The following NKAIN3 variants were observed in gnomAD, a reference collection of about 807,000 sequenced individuals.
NKAIN3 encodes the protein sodium/potassium transporting ATPase interacting 3, also known as sodium/potassium-transporting ATPase subunit beta-1-interacting protein 3.
A neutral mutation model predicts 30.2 loss-of-function variants in NKAIN3; 25 were observed. The ratio of observed to expected loss-of-function variants is 0.83; its 90% confidence interval spans 0.60 to 1.16. The LOEUF (loss-of-function observed/expected upper bound fraction) is 1.16, where lower values mean the gene tolerates loss of function less well. Ranked by LOEUF, NKAIN3 falls within the 50% of genes most tolerant of loss-of-function variation. The pLI is 0.00. For missense variants in NKAIN3, 225 were observed against 254.1 expected (o/e 0.89, Z 0.78); for synonymous variants, 91 against 89.6 (o/e 1.02, Z -0.09).
At chr8:62,675,825 C>G (rs1017554915) in intron 3 of NKAIN3, among the ~76,000 whole-genome samples, 2 of 152,292 alleles carry the variant, frequency 1.3e-5, no homozygotes, top group African/African-American at 4.8e-5. Context: ...TAGACCACAG[C>G]CAGGCCAACC....
At chr8:62,268,443 G>C (rs192705934) in intron 1 of NKAIN3, among the ~76,000 whole-genome samples, 1 of 152,142 alleles carries the variant, frequency 6.6e-6, no homozygotes, top group South Asian at 2.1e-4. Flanking sequence ...GGGACACCTA[G>C]CTGCATGACC....
At chr8:62,284,126 C>T (rs1813293081) in intron 1 of NKAIN3, among the ~76,000 whole-genome samples, 1 of 152,032 alleles carries the variant, frequency 6.6e-6, no homozygotes, top group South Asian at 2.1e-4. Context: ...ATGGGAGTCC[C>T]AGAAGGGGTA....
chr8:62,869,365 C>A (rs1370883534), intron 4 of NKAIN3, among the ~76,000 whole-genome samples: 1 of 152,286 alleles, frequency 6.6e-6, no homozygotes, highest in East Asian at 1.9e-4. Context: ...GTGATGTTCC[C>A]CTCCCGGGGT....
At chr8:62,439,255 A>T (rs1805255801) in intron 1 of NKAIN3, among the ~76,000 whole-genome samples, 1 of 152,188 alleles carries the variant, frequency 6.6e-6, no homozygotes, top group Admixed American at 6.5e-5. Context: ...GAAATAAGGA[A>T]TCTGTCCACA....
At chr8:62,459,242 G>A (rs1805913658) in intron 1 of NKAIN3, among the ~76,000 whole-genome samples, 1 of 152,144 alleles carries the variant, frequency 6.6e-6, no homozygotes, top group Non-Finnish European at 1.5e-5. Flanking sequence ...TTGATTGACT[G>A]TGGCCTCGGA....
chr8:62,703,906 C>T (rs1021633806), intron 3 of NKAIN3, among the ~76,000 whole-genome samples: 18 of 152,144 alleles, frequency 1.2e-4, no homozygotes, highest in African/African-American at 4.3e-4. Context: ...TTGTTTATGA[C>T]TGTTACCCTA....
At chr8:62,866,253 C>G (rs1820410539) in intron 4 of NKAIN3, among the ~76,000 whole-genome samples, 1 of 151,980 alleles carries the variant, frequency 6.6e-6, no homozygotes, top group Admixed American at 6.6e-5. Flanking sequence ...CATATATTTT[C>G]GAAAAAGCAT....
At chr8:62,807,700 A>C (rs1818344133) in intron 4 of NKAIN3, among the ~76,000 whole-genome samples, 1 of 150,376 alleles carries the variant, frequency 6.6e-6, no homozygotes, top group Admixed American at 6.6e-5. Flanking sequence ...CTACAGGTGC[A>C]TGCCACCACA....
chr8:62,710,238 A>T (rs1016455809), intron 3 of NKAIN3, among the ~76,000 whole-genome samples: 1 of 152,026 alleles, frequency 6.6e-6, no homozygotes, highest in East Asian at 1.9e-4. Flanking sequence ...TGTTAAGTCC[A>T]TTTGTTCCAA....
At chr8:62,506,476 C>CTTTTTTTTTTTTTTTTTT (rs71255341) in intron 1 of NKAIN3, among the ~76,000 whole-genome samples, 58 of 98,438 alleles carry the variant, frequency 5.9e-4, no homozygotes, top group East Asian at 1.2e-3. Context: ...TTCTTTCTTT[C>CTTTTTTTTTTTTTTTTTT]TTTTTTTTTT....
intron 1 of NKAIN3, among the ~76,000 whole-genome samples, chr8:62,486,193 A>G (rs1400068600): frequency 6.6e-6 from 1 of 152,120 alleles, no homozygotes; most frequent in Admixed American, 6.5e-5. Flanking sequence ...GGCAAAGGAG[A>G]TTGAGAAAGT....
intron 3 of NKAIN3, among the ~76,000 whole-genome samples, chr8:62,659,033 T>C (rs1812857340): frequency 6.6e-6 from 1 of 152,134 alleles, no homozygotes; most frequent in Non-Finnish European, 1.5e-5. Context: ...ATATGGAAAT[T>C]CATTATTTTT....
chr8:62,667,104 C>T (rs923669706), intron 3 of NKAIN3, among the ~76,000 whole-genome samples: 1 of 132,900 alleles, frequency 7.5e-6, no homozygotes, highest in Non-Finnish European at 1.5e-5. Context: ...ACAATGAGAA[C>T]ACTTGGACAC....
intron 1 of NKAIN3, among the ~76,000 whole-genome samples, chr8:62,539,920 A>C (rs914944426): frequency 1.3e-5 from 2 of 152,214 alleles, no homozygotes; most frequent in Non-Finnish European, 2.9e-5. Context: ...GTGTCAGTCA[A>C]TCACTTTCAA....
At chr8:62,505,153 G>A (rs1026572981) in intron 1 of NKAIN3, among the ~76,000 whole-genome samples, 2 of 152,172 alleles carry the variant, frequency 1.3e-5, no homozygotes, top group African/African-American at 4.8e-5. Flanking sequence ...GGTCAATACA[G>A]CAATAAGGGC....
chr8:62,601,115 A>C (rs930757872), intron 3 of NKAIN3, among the ~76,000 whole-genome samples: 1 of 152,056 alleles, frequency 6.6e-6, no homozygotes, highest in Non-Finnish European at 1.5e-5. Context: ...GTCTTTTATA[A>C]ACATTCAAAT....
chr8:62,587,120 A>G (rs1056781596), intron 2 of NKAIN3, among the ~76,000 whole-genome samples: 3 of 151,938 alleles, frequency 2.0e-5, no homozygotes, highest in Admixed American at 6.6e-5. Context: ...GGTTATCCCA[A>G]TGCTTCCTGC....
At chr8:62,869,854 G>C (rs1262370897) in intron 4 of NKAIN3, among the ~76,000 whole-genome samples, 9 of 151,968 alleles carry the variant, frequency 5.9e-5, no homozygotes, top group Non-Finnish European at 7.4e-5. Flanking sequence ...TGCAAGCTCC[G>C]CCTCCCGAGT....
chr8:62,864,829 G>A (rs1003184911), intron 4 of NKAIN3, among the ~76,000 whole-genome samples: 7 of 152,168 alleles, frequency 4.6e-5, no homozygotes, highest in Non-Finnish European at 8.8e-5. Context: ...TGCTTGTTGG[G>A]CGCATAAACA....
Sources: gnomAD v4.1 joint callset for allele counts (sites outside exome capture counted in the v4.1 genomes callset) on GRCh38, gnomAD v4.1.1 for gene constraint, MANE v1.5 for transcripts, NCBI Gene and HGNC (gene_info 2026-07-23, HGNC 2026-07-21) for gene names.